The following ZNF157 variants were observed in gnomAD, a reference collection of about 807,000 sequenced individuals.
ZNF157 encodes the protein zinc finger protein 157.
A neutral mutation model predicts 9.4 loss-of-function variants in ZNF157; 8 were observed. The ratio of observed to expected loss-of-function variants is 0.85; its 90% CI spans 0.50 to 1.53. The LOEUF (loss-of-function observed/expected upper bound fraction) is 1.53. Ranked by LOEUF, ZNF157 falls within the 40% of genes most tolerant of loss-of-function variation. ZNF157 has a pLI of 0.00. For synonymous variants in ZNF157, 120 were observed against 130.8 expected, an observed-to-expected ratio of 0.92 and a Z score of 0.56; for missense variants, 316 against 385.2, an observed-to-expected ratio of 0.82 and a Z score of 1.50.
At chrX:47,387,717 T>C (rs1232117538) in intron 1 of ZNF157, among the ~76,000 whole-genome samples, 2 of 107,300 alleles carry the variant, frequency 1.9e-5, no homozygotes, top group African/African-American at 6.8e-5. Flanking sequence ...GCCTGGCCAA[T>C]GTAGTGAAAC....
chrX:47,378,201 A>T (rs1489921281), intron 1 of ZNF157, among the ~76,000 whole-genome samples: 8 of 110,842 alleles, frequency 7.2e-5, no homozygotes, highest in Non-Finnish European at 1.3e-4. Flanking sequence ...ATCAAATCAT[A>T]GGAGTTGAAG....
intron 2 of ZNF157, 25 bp downstream of exon 2, chrX:47,410,427 C>T (rs773480493): frequency 1.7e-6 from 2 of 1,204,035 alleles, no homozygotes; most frequent in Non-Finnish European, 2.2e-6. Context: ...CCGTGTAACT[C>T]CTGAGAGCGT....
intron 1 of ZNF157, among the ~76,000 whole-genome samples, chrX:47,407,984 T>C (rs999919946): frequency 3.6e-5 from 4 of 111,887 alleles, no homozygotes; most frequent in Non-Finnish European, 7.5e-5. Flanking sequence ...GGGTAACTTA[T>C]AAAGAAAAGA....
At chrX:47,387,642 C>T (rs972186697) in intron 1 of ZNF157, among the ~76,000 whole-genome samples, 1 of 108,828 alleles carries the variant, frequency 9.2e-6, no homozygotes, top group Non-Finnish European at 1.9e-5. Flanking sequence ...CAGTCGGGCG[C>T]GGTGGCTCAC....
rs771019578 is a variant in ZNF157 at position 47,410,351 on chromosome X, A to G, written c.148A>G (p.Thr50Ala). The change falls in exon 2 of 4, where the codon ACC becomes GCC. Residue 50 changes from threonine to alanine, a missense_variant. This residue lies in a region of ZNF157 where 146 missense variants were observed against 183.8 expected (regional missense o/e 0.79). Coordinates refer to ENST00000377073, the MANE Select transcript of ZNF157 (RefSeq NM_003446.4). ...EWHRLDPAQR[T>A]MHKDVMLETY... ...GCACAGACTGGACCCTGCTCAGAGG[A>G]CCATGCACAAGGATGTGATGCTGGA... is the stretch of plus-strand genomic sequence containing the variant. The G allele has an allele frequency of 3.3e-6, 4 of 1,211,434 alleles. No individual in the cohort carries two copies. The highest frequency in any genetic ancestry group is 3.0e-5 in the East Asian group (1 of 33,845).
chrX:47,409,648 CTTT>C (rs1299438856), intron 1 of ZNF157, among the ~76,000 whole-genome samples: 1 of 98,254 alleles, frequency 1.0e-5, no homozygotes, highest in Non-Finnish European at 2.1e-5. Flanking sequence ...CAGCCAGCTT[CTTT>C]TTTTTTTTTT....
At chrX:47,388,457 G>A (rs1002747568) in intron 1 of ZNF157, among the ~76,000 whole-genome samples, 13 of 108,585 alleles carry the variant, frequency 1.2e-4, no homozygotes, top group Middle Eastern at 4.6e-3. Context: ...GACCACAGGC[G>A]CACACCAACA....
chrX:47,392,305 C>G (rs1193499926), intron 1 of ZNF157: 2 of 134,218 alleles, frequency 1.5e-5, no homozygotes, highest in African/African-American at 3.2e-5. Context: ...TGCCATGACA[C>G]TATGACAACT....
intron 2 of ZNF157, 43 bp from the exon 3 acceptor site, chrX:47,410,637 T>A: frequency 8.8e-7 from 1 of 1,136,838 alleles, no homozygotes; most frequent in East Asian, 3.1e-5. Flanking sequence ...GCCCTAGAGC[T>A]CAGACAACTT....
intron 3 of ZNF157, among the ~76,000 whole-genome samples, chrX:47,411,606 G>A (rs2147415841): frequency 9.1e-6 from 1 of 110,158 alleles, no homozygotes; most frequent in South Asian, 3.9e-4. Flanking sequence ...GGGCTCAAGT[G>A]ATCCACCTGC....
intron 1 of ZNF157, among the ~76,000 whole-genome samples, chrX:47,382,966 C>T (rs964279136): frequency 1.8e-5 from 2 of 111,028 alleles, no homozygotes; most frequent in Non-Finnish European, 3.8e-5. Flanking sequence ...CTCAGCTTCC[C>T]TTCAGGGATC....
chrX:47,410,593 G>T (rs751492178), intron 2 of ZNF157, 87 bp from the exon 3 acceptor site: 1 of 975,574 alleles, frequency 1.0e-6, no homozygotes, highest in Non-Finnish European at 1.4e-6. Context: ...TCCTTGTGCA[G>T]CTCATGAAGA....
At chrX:47,411,838 A>C (rs1343399144) in intron 3 of ZNF157, among the ~76,000 whole-genome samples, 1 of 111,766 alleles carries the variant, frequency 8.9e-6, no homozygotes, top group Non-Finnish European at 1.9e-5. Flanking sequence ...GTTCTCTTGG[A>C]GCTTACAATA....
chrX:47,384,646 T>A (rs73204089), intron 1 of ZNF157, among the ~76,000 whole-genome samples: 154 of 112,457 alleles, frequency 1.4e-3, no homozygotes, highest in Non-Finnish European at 1.0e-3. Flanking sequence ...ACAGACAGAT[T>A]ACCTGTACAA....
chrX:47,412,693 C>T lies in ZNF157; in HGVS notation c.620C>T (p.Ala207Val). Residue 207 changes from alanine to valine, a missense_variant, in exon 4 of 4, where the codon GCT (alanine) becomes GTT (valine). Around this residue, in one of 3 missense-constraint regions of ZNF157, gnomAD observed 146 missense variants for 183.8 expected, o/e 0.79. Transcript: ENST00000377073. ...TTCAGTGCAAGATCATACCTCATTG[C>T]TCATCAGAAAACTCACACAGGGGAG... ...KTFSARSYLI[A>V]HQKTHTGERP... 1 of 1,211,325 alleles carries T rather than the reference C, an allele frequency of 8.3e-7. No homozygotes were observed. The highest frequency in any genetic ancestry group is 1.1e-6 in the Non-Finnish European group (1 of 895,391).
At chrX:47,401,396 A>G (rs755943382) in intron 1 of ZNF157, among the ~76,000 whole-genome samples, 1 of 112,076 alleles carries the variant, frequency 8.9e-6, no homozygotes, top group African/African-American at 3.2e-5. Flanking sequence ...AAGCATCAAG[A>G]GAGTGTCTGC....
intron 1 of ZNF157, among the ~76,000 whole-genome samples, chrX:47,376,612 G>A (rs932252352): frequency 6.3e-5 from 7 of 110,401 alleles, no homozygotes; most frequent in African/African-American, 6.6e-5. Context: ...GTGAAACTCC[G>A]TCTCAAAAAA....
At chrX:47,398,493 A>ATTTCTT (rs199676394) in intron 1 of ZNF157, among the ~76,000 whole-genome samples, 8,139 of 108,220 alleles carry the variant, frequency 0.075, 867 homozygotes, top group African/African-American at 0.26. Context: ...TTCTTTTTTT[A>ATTTCTT]TTTCTTTTTC....
chrX:47,390,928 C>T (rs2055895496), intron 1 of ZNF157: 1 of 112,027 alleles, frequency 8.9e-6, no homozygotes, highest in Non-Finnish European at 1.9e-5. Flanking sequence ...TTCTTACATT[C>T]TTTTTGTCAA....
Sources: allele counts gnomAD v4.1 joint callset (sites outside exome capture counted in the v4.1 genomes callset), GRCh38; gene constraint gnomAD v4.1.1; regional missense constraint gnomAD v4.1.1; transcripts MANE v1.5; gene names NCBI Gene and HGNC (gene_info 2026-07-23, HGNC 2026-07-21).